Variants in SYTL5 observed in about 807,000 individuals in gnomAD.
SYTL5 encodes synaptotagmin like 5, also known as synaptotagmin-like protein 5.
SYTL5 carries 34 observed loss-of-function variants against 55.9 expected under a neutral mutation model. The observed-to-expected ratio is 0.61, with a 90% CI of 0.46 to 0.81. The LOEUF (loss-of-function observed/expected upper bound fraction) is 0.81. SYTL5 is among the 30% of genes least tolerant of loss of function. The pLI, the probability that SYTL5 is intolerant of heterozygous loss-of-function variation, is 0.00. For synonymous variants in SYTL5, 221 were observed against 188.7 expected (o/e 1.17, Z -1.40); for missense variants, 637 against 546.7 (o/e 1.17, Z -1.65).
At chrX:37,984,330 A>G in the SYTL5 span, among the ~76,000 whole-genome samples, 1 of 111,995 alleles carries the variant, frequency 8.9e-6, no homozygotes, top group Non-Finnish European at 1.9e-5. Flanking sequence ...AATAAAAATT[A>G]TCATAAGGAA....
At chrX:37,961,495 G>A in the SYTL5 span, among the ~76,000 whole-genome samples, 1 of 110,961 alleles carries the variant, frequency 9.0e-6, no homozygotes. Context: ...TATGCTTAAA[G>A]GATAGCAGAG....
chrX:38,026,255 C>A (rs747097008), intron 1 of SYTL5, among the ~76,000 whole-genome samples: 64 of 112,483 alleles, frequency 5.7e-4, no homozygotes, highest in African/African-American at 2.0e-3. Flanking sequence ...GTCTCCTTTT[C>A]TTCACCCTGT....
rs777239061 is a variant in SYTL5, at chrX:38,040,328, C to A, written c.119+6320C>A. 4.5e-5 allele frequency among the ~76,000 whole-genome samples: 5 copies of A among 111,218 alleles called. No individual in the cohort carries two copies. In the East Asian group the frequency reaches 1.4e-3, roughly 31 times the overall value. The stretch of plus-strand genomic sequence containing the variant: ...CCTCAAGTGTTTATCCCTTGAGTTA[C>A]AAATAATCCAAATAAATTCTTTACT... On this transcript the variant is annotated intron_variant, in intron 2 of 16. Coordinates refer to ENST00000297875, the MANE Select transcript of SYTL5 (RefSeq NM_138780.3).
intron 1 of SYTL5, among the ~76,000 whole-genome samples, chrX:38,013,302 A>G (rs935885756): frequency 8.9e-6 from 1 of 112,355 alleles, no homozygotes; most frequent in Non-Finnish European, 1.9e-5. Flanking sequence ...GTATGGCTTT[A>G]TACTTAAGCA....
At chrX:38,034,038 C>A in intron 2 of SYTL5, 30 bp downstream of exon 2, 1 of 890,619 alleles carries the variant, frequency 1.1e-6, no homozygotes, top group Non-Finnish European at 1.6e-6. Flanking sequence ...TTCAGTCCTC[C>A]TTGACTGCTT....
In SYTL5 at chrX:38,066,768, A is replaced by G. The variant is rs186196804; in HGVS notation, c.330-5279A>G. On this transcript the variant is annotated intron_variant, in intron 3 of 16. Transcript: ENST00000297875. ...CAAAGCCCTGTTATAGTTGACAAGT[A>G]TGAGTTCTCTTCAGACAATTTTTCC... Among the ~76,000 whole-genome samples, 254 of 111,691 alleles carry G rather than the reference A, an allele frequency of 2.3e-3. 2 individuals are homozygous for G. In the Middle Eastern group the frequency reaches 0.023, roughly 10 times the overall value.
the SYTL5 span, among the ~76,000 whole-genome samples, chrX:37,923,630 G>T: frequency 9.1e-6 from 1 of 110,064 alleles, no homozygotes. Flanking sequence ...AAGGTTAAAG[G>T]TCATGGAACT....
chrX:37,951,478 C>T, the SYTL5 span, among the ~76,000 whole-genome samples: 3 of 110,565 alleles, frequency 2.7e-5, no homozygotes, highest in Non-Finnish European at 3.8e-5. Context: ...CCTAGGGTGG[C>T]GGATTCCAAT....
At chrX:37,902,924 A>G in the SYTL5 span, among the ~76,000 whole-genome samples, 2 of 112,371 alleles carry the variant, frequency 1.8e-5, no homozygotes, top group Admixed American at 9.4e-5. Context: ...AAATTCATTT[A>G]TGCAGCCAAA....
chrX:38,101,205 A>T (rs1440573775), intron 9 of SYTL5, among the ~76,000 whole-genome samples: 2 of 111,561 alleles, frequency 1.8e-5, no homozygotes, highest in African/African-American at 6.5e-5. Flanking sequence ...AATGTGGTTA[A>T]CCATAAGAGT....
chrX:37,952,263 A>G, the SYTL5 span, among the ~76,000 whole-genome samples: 3 of 111,649 alleles, frequency 2.7e-5, no homozygotes, highest in East Asian at 5.6e-4. Flanking sequence ...CTTGATTGAG[A>G]GTTAACTCTT....
the SYTL5 span, among the ~76,000 whole-genome samples, chrX:37,889,926 C>T: frequency 3.7e-4 from 41 of 111,584 alleles, no homozygotes; most frequent in Non-Finnish European, 3.4e-4. Context: ...TTGTGTCATA[C>T]TAATGTGGCA....
chrX:38,038,177 A>C (rs1227734312), intron 2 of SYTL5, among the ~76,000 whole-genome samples: 1 of 112,360 alleles, frequency 8.9e-6, no homozygotes, highest in Non-Finnish European at 1.9e-5. Context: ...AGAAACATCC[A>C]GAAATAATGT....
At chrX:38,001,421 A>T in the SYTL5 span, among the ~76,000 whole-genome samples, 1 of 111,347 alleles carries the variant, frequency 9.0e-6, no homozygotes, top group South Asian at 3.8e-4. Flanking sequence ...TGCACCCATT[A>T]ACCCTCCCAA....
chrX:37,908,363 A>G, the SYTL5 span, among the ~76,000 whole-genome samples: 1 of 111,486 alleles, frequency 9.0e-6, no homozygotes, highest in Non-Finnish European at 1.9e-5. Context: ...TCCTTCCCCA[A>G]ATTTATCTAA....
At chrX:38,125,202 G>T in intron 15 of SYTL5, 96 bp from the exon 16 acceptor site, 1 of 725,768 alleles carries the variant, frequency 1.4e-6, no homozygotes, top group Admixed American at 3.2e-5. Context: ...ATAGAAGCCT[G>T]GGAAGGAAAA....
chrX:37,910,449 A>C, the SYTL5 span, among the ~76,000 whole-genome samples: 1 of 112,406 alleles, frequency 8.9e-6, no homozygotes, highest in Non-Finnish European at 1.9e-5. Context: ...GGACTTCAAC[A>C]TGTGAATTTG....
the SYTL5 span, among the ~76,000 whole-genome samples, chrX:37,893,568 T>C: frequency 7.8e-5 from 7 of 89,955 alleles, no homozygotes. Flanking sequence ...AGATTATATA[T>C]ACAATCTATA....
the SYTL5 span, among the ~76,000 whole-genome samples, chrX:37,965,238 C>A: frequency 9.0e-6 from 1 of 110,878 alleles, no homozygotes; most frequent in South Asian, 3.8e-4. Flanking sequence ...TTTGCTGGAC[C>A]CCATATAGTT....
Sources: gnomAD v4.1 joint callset for allele counts (sites outside exome capture counted in the v4.1 genomes callset) on GRCh38, gnomAD v4.1.1 for gene constraint, MANE v1.5 for transcripts, NCBI Gene and HGNC (gene_info 2026-07-23, HGNC 2026-07-21) for gene names.